Variants in SLC39A6 observed in about 807,000 individuals in gnomAD.
The protein encoded by SLC39A6 is zinc transporter ZIP6.
SLC39A6 carries 51 observed loss-of-function variants against 63.5 expected under a neutral mutation model. The ratio of observed to expected loss-of-function variants is 0.80; its 90% confidence interval spans 0.64 to 1.01. SLC39A6 has a LOEUF of 1.01. Among genes scored for constraint, SLC39A6 ranks in the 50% least tolerant of loss-of-function variants. SLC39A6 has a pLI of 0.00. For synonymous variants in SLC39A6, 318 were observed against 324.7 expected (o/e 0.98, Z 0.22); for missense variants, 805 against 927.8 (o/e 0.87, Z 1.72).
rs1291914773 is a variant in SLC39A6, at chr18:36,123,494, C to T, written c.1140+1G>A. 1 of 1,605,938 alleles carries T rather than the reference C, an allele frequency of 6.2e-7. No homozygotes were observed. The highest frequency in any genetic ancestry group is 8.5e-7 in the Non-Finnish European group (1 of 1,177,528). On this transcript the variant is annotated splice_donor_variant, in intron 4 of 9. Transcript: ENST00000269187. LOFTEE classifies it high-confidence loss of function. ...CTAACAGGACAAATTACTATACTTACATGTGGAAGAAGGTGTAAAAAAGCA... is the reference window on the plus strand; with the variant it reads ...CTAACAGGACAAATTACTATACTTATATGTGGAAGAAGGTGTAAAAAAGCA...
chr18:36,110,311 C>T (rs752020128), intron 9 of SLC39A6, among the ~76,000 whole-genome samples: 1 of 151,362 alleles, frequency 6.6e-6, no homozygotes, highest in Non-Finnish European at 1.5e-5. Flanking sequence ...AGACTTCCTA[C>T]AAATCTATAG....
intron 5 of SLC39A6, among the ~76,000 whole-genome samples, chr18:36,117,754 G>A (rs1022691032): frequency 4.6e-5 from 7 of 152,128 alleles, no homozygotes; most frequent in Non-Finnish European, 8.8e-5. Flanking sequence ...AAACACGGCC[G>A]GGCATGGTGG....
chr18:36,125,263 G>T lies in SLC39A6; in HGVS notation c.790-563C>A, dbSNP rs77593592. The stretch of plus-strand genomic sequence containing the variant: ...CTGGTTAATAAAACAAACCTGTACC[G>T]GCAGGCAGATGTTTTCAACTATTTA... On this transcript the variant is annotated intron_variant, in intron 2 of 9. Coordinates refer to ENST00000269187, the MANE Select transcript of SLC39A6 (RefSeq NM_012319.4). Among the ~76,000 whole-genome samples the T allele has an allele frequency of 8.2e-3, 1,246 of 151,486 alleles. 27 individuals are homozygous for T. The highest frequency in any genetic ancestry group is 0.029 in the African/African-American group (1,184 of 41,290).
At chr18:36,109,836 A>G in intron 9 of SLC39A6, 91 bp from the exon 10 acceptor site, 1 of 978,998 alleles carries the variant, frequency 1.0e-6, no homozygotes, top group Non-Finnish European at 1.6e-6. Flanking sequence ...ACAGTATACT[A>G]GCTTTATTTG....
intron 3 of SLC39A6, 28 bp downstream of exon 3, chr18:36,124,492 T>C (rs1259272948): frequency 8.3e-6 from 12 of 1,441,354 alleles, no homozygotes; most frequent in African/African-American, 1.4e-5. Flanking sequence ...CTACTGAAAT[T>C]GTTTTTACAT....
At chr18:36,115,657 T>C (rs2089339556) in intron 6 of SLC39A6, among the ~76,000 whole-genome samples, 1 of 151,992 alleles carries the variant, frequency 6.6e-6, no homozygotes, top group Non-Finnish European at 1.5e-5. Context: ...CAAGGAATAG[T>C]GAGTGCATGG....
Position 36,123,669 on chromosome 18 carries a change from C to T in SLC39A6, c.971-5G>A. On this transcript the variant is annotated splice_polypyrimidine_tract_variant and splice_region_variant and intron_variant, in intron 3 of 9. Coordinates refer to ENST00000269187, the MANE Select transcript of SLC39A6 (RefSeq NM_012319.4). ...CTATAAAACCACCAACCCAGGCTGT[C>T]AAACAAAACAAAACAGAGCAAAGAA... 1.3e-6 allele frequency: 2 copies of T among 1,593,998 alleles called. No individual in the cohort carries two copies. The highest frequency in any genetic ancestry group is 1.7e-6 in the Non-Finnish European group (2 of 1,174,456).
intron 2 of SLC39A6, among the ~76,000 whole-genome samples, chr18:36,125,016 A>G (rs1181373097): frequency 6.6e-6 from 1 of 152,206 alleles, no homozygotes. Flanking sequence ...AAACGTATTA[A>G]GGAAATGAGC....
intron 5 of SLC39A6, among the ~76,000 whole-genome samples, chr18:36,118,900 A>C (rs2089369071): frequency 1.3e-5 from 2 of 152,220 alleles, no homozygotes; most frequent in Non-Finnish European, 2.9e-5. Flanking sequence ...GACAGCAAGA[A>C]AGATGGAGAG....
chr18:36,123,439 A>T (rs2089409915), intron 4 of SLC39A6, 56 bp downstream of exon 4: 1 of 1,436,024 alleles, frequency 7.0e-7, no homozygotes, highest in Non-Finnish European at 9.4e-7. Context: ...AAACCAAAAC[A>T]TTTTTTTTTC....
At chr18:36,112,247 C>T (rs1598704867) in intron 8 of SLC39A6, among the ~76,000 whole-genome samples, 1 of 152,208 alleles carries the variant, frequency 6.6e-6, no homozygotes, top group African/African-American at 2.4e-5. Context: ...AAACACAACT[C>T]ATCCACTTCC....
Position 36,123,552 on chromosome 18 carries a change from A to G in SLC39A6, c.1083T>C (p.Leu361=). Residue 361 remains leucine (L), a synonymous_variant, in exon 4 of 10, where the codon CTT becomes CTC. Coordinates refer to ENST00000269187, the MANE Select transcript of SLC39A6 (RefSeq NM_012319.4). Reference sequence around the variant, plus strand: ...TCAAAGTCCCAACGGCCAGTGCCACAAGGAAACTCAGGAGAAATTTGAAAA... The same window carrying G: ...TCAAAGTCCCAACGGCCAGTGCCACGAGGAAACTCAGGAGAAATTTGAAAA... ...RVFFKFLLSF[L]VALAVGTLSG... The G allele has an allele frequency of 6.8e-6, 11 of 1,613,920 alleles. No homozygotes were observed. The highest frequency in any genetic ancestry group is 9.3e-6 in the Non-Finnish European group (11 of 1,179,960).
At chr18:36,127,778 G>GT (rs34708394) in intron 1 of SLC39A6, among the ~76,000 whole-genome samples, 54,219 of 130,164 alleles carry the variant, frequency 0.42, 12,404 homozygotes, top group East Asian at 0.63. Flanking sequence ...TTTTTTTAAA[G>GT]TTTTTTTTTT....
intron 2 of SLC39A6, 64 bp downstream of exon 2, chr18:36,126,149 CTAGAGA>C: frequency 7.2e-7 from 1 of 1,380,022 alleles, no homozygotes. Flanking sequence ...CTCCTCATAA[CTAGAGA>C]TAGAGTAGCA....
At chr18:36,127,411 T>C (rs1043948240) in intron 1 of SLC39A6, among the ~76,000 whole-genome samples, 4 of 152,096 alleles carry the variant, frequency 2.6e-5, no homozygotes, top group South Asian at 2.1e-4. Flanking sequence ...TGGTGGCTCA[T>C]GCCTATAATC....
chr18:36,119,471 A>T (rs2089373107), intron 5 of SLC39A6, among the ~76,000 whole-genome samples: 1 of 152,178 alleles, frequency 6.6e-6, no homozygotes, highest in Admixed American at 6.5e-5. Flanking sequence ...ACATTCTAGT[A>T]GATACTATTT....
intron 5 of SLC39A6, among the ~76,000 whole-genome samples, chr18:36,117,797 C>A (rs1322640028): frequency 6.6e-6 from 1 of 152,038 alleles, no homozygotes; most frequent in African/African-American, 2.4e-5. Context: ...TTTGGGAGGC[C>A]GAGGTGGGCG....
At chr18:36,125,517 G>C (rs1318350234) in intron 2 of SLC39A6, among the ~76,000 whole-genome samples, 1 of 152,050 alleles carries the variant, frequency 6.6e-6, no homozygotes, top group Non-Finnish European at 1.5e-5. Flanking sequence ...GATTAGTCCA[G>C]AATTAGTACA....
chr18:36,113,534 G>A (rs956795650), intron 7 of SLC39A6, among the ~76,000 whole-genome samples: 3 of 152,166 alleles, frequency 2.0e-5, no homozygotes, highest in Admixed American at 1.3e-4. Context: ...GACAAGTGGC[G>A]TCACCTTGAC....
Sources: gnomAD v4.1 joint callset for allele counts (sites outside exome capture counted in the v4.1 genomes callset) on GRCh38, gnomAD v4.1.1 for gene constraint, MANE v1.5 for transcripts, NCBI Gene and HGNC (gene_info 2026-07-23, HGNC 2026-07-21) for gene names.